FAF2: variants seen among roughly 807,000 people sequenced by gnomAD.
FAF2 encodes the protein Fas associated factor family member 2, also known as FAS-associated factor 2.
In FAF2, 9 loss-of-function variants were observed where a neutral mutation model predicts 62.3. The observed-to-expected ratio is 0.14, with a 90% confidence interval of 0.09 to 0.25. The LOEUF is 0.25. Among genes scored for constraint, FAF2 ranks in the 10% least tolerant of loss-of-function variants. The probability of loss-of-function intolerance (pLI) is 1.00; values close to 1 mark genes in which losing one functional copy is unlikely to be tolerated. For synonymous variants in FAF2, 202 were observed against 198.0 expected, an observed-to-expected ratio of 1.02 and a Z score of -0.17; for missense variants, 368 against 556.2, an observed-to-expected ratio of 0.66 and a Z score of 3.40.
In FAF2 at chr5:176,481,033, T is replaced by G. The variant is rs529439546; in HGVS notation, c.132+1777T>G. Among the ~76,000 whole-genome samples the G allele has an allele frequency of 1.1e-4, 17 of 152,160 alleles. No individual in the cohort carries two copies. The South Asian group carries it at 3.5e-3, about 32-fold the overall frequency. The stretch of plus-strand genomic sequence containing the variant: ...AGGATCTGGAGAGTTTTGCTTTTTG[T>G]TTTTTTATCTTTATTTATTTTTATT... On this transcript the variant is annotated intron_variant, in intron 2 of 10. Transcript: ENST00000261942.
chr5:176,453,960 G>T (rs945121435), intron 1 of FAF2, among the ~76,000 whole-genome samples: 2 of 151,662 alleles, frequency 1.3e-5, no homozygotes, highest in South Asian at 4.2e-4. Context: ...GAAGGCTAAG[G>T]CAGGAGAATT....
At chr5:176,450,454 A>G (rs1336406886) in intron 1 of FAF2, among the ~76,000 whole-genome samples, 1 of 152,156 alleles carries the variant, frequency 6.6e-6, no homozygotes, top group Admixed American at 6.6e-5. Flanking sequence ...GTTATAAATT[A>G]TGGTATATTT....
At chr5:176,464,346 T>C (rs1236688958) in intron 1 of FAF2, among the ~76,000 whole-genome samples, 1 of 152,204 alleles carries the variant, frequency 6.6e-6, no homozygotes, top group Non-Finnish European at 1.5e-5. Context: ...ATTTATACAG[T>C]AAACATCCAC....
chr5:176,486,312 T>TCAGAGA, intron 2 of FAF2, 43 bp from the exon 3 acceptor site: 1 of 1,608,992 alleles, frequency 6.2e-7, no homozygotes, highest in Non-Finnish European at 8.5e-7. Flanking sequence ...GTTGGTTGAT[T>TCAGAGA]TGAGCATCGC....
At chr5:176,467,340 G>T (rs907899721) in intron 1 of FAF2, among the ~76,000 whole-genome samples, 12 of 149,874 alleles carry the variant, frequency 8.0e-5, no homozygotes, top group East Asian at 2.0e-4. Context: ...GTTTTTTTTG[G>T]TTTTTTTTTG....
intron 2 of FAF2, among the ~76,000 whole-genome samples, chr5:176,481,189 G>A (rs867618851): frequency 1.3e-5 from 2 of 152,004 alleles, no homozygotes; most frequent in Non-Finnish European, 2.9e-5. Context: ...TGGGATTATA[G>A]GTGTGCACCA....
rs1480427719 is a variant in FAF2 at position 176,499,148 on chromosome 5, C to G, written c.1011+63C>G. ...ACTGCCGAGACTTTGCCATCTTGGT[C>G]TTAAGTGTGAAAGGAAAAAATGATA... On this transcript the variant is annotated intron_variant, in intron 9 of 10. Transcript: ENST00000261942. The G allele has an allele frequency of 4.9e-6, 7 of 1,433,534 alleles. No homozygotes were observed. The African/African-American group carries it at 8.7e-5, about 18-fold the overall frequency. The allele number at this position is 1,433,534 out of a possible 1,614,324, so 88.8% of individuals were successfully genotyped here.
chr5:176,466,838 A>G (rs1484245344), intron 1 of FAF2, among the ~76,000 whole-genome samples: 1 of 152,202 alleles, frequency 6.6e-6, no homozygotes, highest in Non-Finnish European at 1.5e-5. Context: ...AGAATAGTTC[A>G]CACACTTCCC....
chr5:176,486,504 A>T lies in FAF2; in HGVS notation c.267+15A>T, dbSNP rs1561823989. On this transcript the variant is annotated intron_variant, in intron 3 of 10. Coordinates refer to ENST00000261942, the MANE Select transcript of FAF2 (RefSeq NM_014613.3). ...CTCAACCAAGGGCAAGTTATTTCATAGCTGGGATTTCCCCCTTTTTTATTT... is the reference window on the plus strand; with the variant it reads ...CTCAACCAAGGGCAAGTTATTTCATTGCTGGGATTTCCCCCTTTTTTATTT... 1 of 1,613,618 alleles carries T rather than the reference A, an allele frequency of 6.2e-7. No individual in the cohort carries two copies. The highest frequency in any genetic ancestry group is 8.5e-7 in the Non-Finnish European group (1 of 1,179,808).
At chr5:176,451,620 A>G (rs1758170814) in intron 1 of FAF2, among the ~76,000 whole-genome samples, 1 of 150,296 alleles carries the variant, frequency 6.7e-6, no homozygotes, top group Admixed American at 6.7e-5. Context: ...AGCTTTCACA[A>G]GTAGTAAGTG....
At position 176,448,545 on chromosome 5, in the gene FAF2, C is replaced by T. The variant is rs1043312278; in HGVS notation, c.63+75C>T. ...GGCCCCTAGAGGAGTTCAGAACCCT[C>T]CTCAGATTGGGTTCAGATCCTTCTC... On this transcript the variant is annotated intron_variant, in intron 1 of 10. Coordinates refer to ENST00000261942, the MANE Select transcript of FAF2 (RefSeq NM_014613.3). 2.1e-6 allele frequency: 3 copies of T among 1,414,170 alleles called. No individual in the cohort carries two copies. In the Admixed American group the frequency reaches 7.2e-5, roughly 34 times the overall value. The allele number at this position is 1,414,170 out of a possible 1,614,324, so 87.6% of individuals were successfully genotyped here.
intron 1 of FAF2, among the ~76,000 whole-genome samples, chr5:176,461,731 G>A (rs953182533): frequency 1.3e-5 from 2 of 151,834 alleles, no homozygotes; most frequent in Non-Finnish European, 2.9e-5. Flanking sequence ...CATAGTTTGC[G>A]AAGATTTTCT....
At chr5:176,477,667 A>T (rs773225158) in intron 1 of FAF2, among the ~76,000 whole-genome samples, 4 of 152,266 alleles carry the variant, frequency 2.6e-5, no homozygotes, top group Non-Finnish European at 4.4e-5. Context: ...ATTATAAAAA[A>T]TGAAAACTTG....
At chr5:176,451,875 C>CATATATAT (rs1220261982) in intron 1 of FAF2, among the ~76,000 whole-genome samples, 1 of 24,106 alleles carries the variant, frequency 4.1e-5, no homozygotes, top group Non-Finnish European at 7.5e-5. Context: ...TATATACACA[C>CATATATAT]ATATATATAT....
intron 7 of FAF2, among the ~76,000 whole-genome samples, chr5:176,495,223 A>G (rs911429542): frequency 2.0e-5 from 3 of 152,198 alleles, no homozygotes; most frequent in African/African-American, 7.2e-5. Flanking sequence ...TTGAGTTTAT[A>G]TTAGCATGCC....
Position 176,494,225 on chromosome 5 carries a change from C to T in FAF2, c.611C>T (p.Thr204Ile). Reference sequence around the variant, plus strand: ...CCTGAAGTTATTTCACTAATAAACACTAGGATGCTCTTCTGGGCATGCTCT... The same window carrying T: ...CCTGAAGTTATTTCACTAATAAACATTAGGATGCTCTTCTGGGCATGCTCT... ...CAPEVISLINTRMLFWACSTN... is the reference protein window; with the variant it reads ...CAPEVISLINIRMLFWACSTN... Residue 204 changes from threonine (T) to isoleucine (I), a missense_variant, in exon 7 of 11, where the codon ACT (threonine) becomes ATT (isoleucine). Coordinates refer to ENST00000261942, the MANE Select transcript of FAF2 (RefSeq NM_014613.3). The surrounding 1 kb of genome is among the most constrained non-coding windows in gnomAD (Gnocchi z 4.0). The T allele has an allele frequency of 1.2e-6, 2 of 1,614,056 alleles. No homozygotes were observed. Among genetic ancestry groups the T allele is most frequent in the Non-Finnish European group, 1.7e-6 (2 of 1,179,968 alleles).
At chr5:176,463,984 C>T (rs1758423752) in intron 1 of FAF2, among the ~76,000 whole-genome samples, 1 of 152,158 alleles carries the variant, frequency 6.6e-6, no homozygotes, top group South Asian at 2.1e-4. Context: ...CCTGCCTCAG[C>T]CTCCCATAGT....
At chr5:176,495,185 T>G (rs896413311) in intron 7 of FAF2, among the ~76,000 whole-genome samples, 14 of 152,132 alleles carry the variant, frequency 9.2e-5, no homozygotes, top group Admixed American at 7.9e-4. Context: ...ATGTAGTCAT[T>G]TTTGTGGCTA....
Position 176,498,989 on chromosome 5 carries a change from G to A in FAF2, c.915G>A (p.Gln305=), listed in dbSNP as rs201440871. The part of the protein sequence containing the change: ...EAYLASLRAD[Q]EKERKKREER... ...ACCTGGCCTCTCTCAGAGCTGACCA[G>A]GAGAAAGAAAGAAAGAAACGGGAGG... Residue 305 remains glutamine (Q), a synonymous_variant, in exon 9 of 11, where the codon CAG becomes CAA. Coordinates refer to ENST00000261942, the MANE Select transcript of FAF2 (RefSeq NM_014613.3). 101 of 1,613,684 alleles carry A rather than the reference G, an allele frequency of 6.3e-5. 1 individual carries two copies. In the East Asian group the frequency reaches 2.3e-3, roughly 36 times the overall value.
Sources: gnomAD v4.1 joint callset for allele counts (sites outside exome capture counted in the v4.1 genomes callset) on GRCh38, gnomAD v4.1.1 for gene constraint, Gnocchi (gnomAD v3.1) non-coding constraint, MANE v1.5 for transcripts, NCBI Gene and HGNC (gene_info 2026-07-23, HGNC 2026-07-21) for gene names.